ADAMTSL5: variants seen among roughly 807,000 people sequenced by gnomAD.
ADAMTSL5 encodes ADAMTS like 5, also known as ADAMTS-like protein 5.
A neutral mutation model predicts 51.7 loss-of-function variants in ADAMTSL5; 53 were observed. The observed-to-expected ratio is 1.03, with a 90% CI of 0.82 to 1.29. The LOEUF is 1.29. Among genes scored for constraint, ADAMTSL5 ranks in the 50% most tolerant of loss-of-function variants. The probability of loss-of-function intolerance (pLI) is 0.00; values close to 1 mark genes in which losing one functional copy is unlikely to be tolerated. For missense variants in ADAMTSL5, 770 were observed against 676.2 expected (o/e 1.14, Z -1.54); for synonymous variants, 285 against 278.7 (o/e 1.02, Z -0.23).
Position 1,505,994 on chromosome 19 carries a change from G to A in ADAMTSL5, c.*21C>T, listed in dbSNP as rs1912896280. 8 of 1,521,654 alleles carry A rather than the reference G, an allele frequency of 5.3e-6. No individual in the cohort carries two copies. Among genetic ancestry groups the A allele is most frequent in the Non-Finnish European group, 7.0e-6 (8 of 1,142,640 alleles). 94.3% of individuals were successfully genotyped at this position (1,521,654 alleles called of 1,614,324 possible). ...CAGATGTATCTTTCTTGCTGTGTGT[G>A]GCCGGGGCTCCTGCAGGGGCTCAGC... On this transcript the variant is annotated 3_prime_UTR_variant, in exon 12 of 12. Transcript: ENST00000330475.
chr19:1,509,309 G>T (rs1224716502), intron 5 of ADAMTSL5, among the ~76,000 whole-genome samples: 1 of 146,852 alleles, frequency 6.8e-6, no homozygotes, highest in Non-Finnish European at 1.5e-5. Flanking sequence ...CCAGGCACCA[G>T]CAAGTACCCA....
At chr19:1,508,332 G>C in intron 6 of ADAMTSL5, 111 bp downstream of exon 6, 1 of 1,264,422 alleles carries the variant, frequency 7.9e-7, no homozygotes, top group South Asian at 1.6e-5. Flanking sequence ...AGGCGGTGGA[G>C]CCTAGGGAGG....
rs1273179037 is a variant in ADAMTSL5 at position 1,508,436 on chromosome 19, T to C, written c.489+7A>G. The C allele has an allele frequency of 1.3e-6, 2 of 1,539,928 alleles. No individual in the cohort carries two copies. Among genetic ancestry groups the C allele is most frequent in the African/African-American group, 1.4e-5 (1 of 73,140 alleles). ...CGGGGCTCGGGCGGGGCCTGACGAG[T>C]CCTTACAAGGCAGCGGCCAGCCACG... On this transcript the variant is annotated splice_region_variant and intron_variant, in intron 6 of 11. Coordinates refer to ENST00000330475, the MANE Select transcript of ADAMTSL5 (RefSeq NM_213604.3).
Position 1,506,785 on chromosome 19 carries a change from G to A in ADAMTSL5, c.996C>T (p.Pro332=), listed in dbSNP as rs757298093. 3.2e-5 allele frequency: 49 copies of A among 1,541,902 alleles called. No homozygotes were observed. Among genetic ancestry groups the A allele is most frequent in the Non-Finnish European group, 3.7e-5 (42 of 1,144,666 alleles). Residue 332 remains proline (P), a synonymous_variant, in exon 10 of 12, where the codon CCC becomes CCT. Coordinates refer to ENST00000330475, the MANE Select transcript of ADAMTSL5 (RefSeq NM_213604.3). The surrounding 1 kb of genome is among the most constrained non-coding windows in gnomAD (Gnocchi z 5.6). ...GTGCAGGGGTGACAGCAGGGGCTGC[G>A]GGGGGCTGAGGCTCCACCCCCCGGG... The part of the protein sequence containing the change: ...PQPRGVEPQP[P]AAPAVTPAQT...
intron 5 of ADAMTSL5, among the ~76,000 whole-genome samples, chr19:1,509,269 A>AAT: frequency 6.6e-6 from 1 of 150,664 alleles, no homozygotes; most frequent in Non-Finnish European, 1.5e-5. Flanking sequence ...AAAAAAAAAA[A>AAT]AAAAAAAAAA....
chr19:1,510,575 G>A (rs971913034), intron 3 of ADAMTSL5, 64 bp downstream of exon 3: 31 of 1,472,220 alleles, frequency 2.1e-5, no homozygotes, highest in Middle Eastern at 2.5e-4. Flanking sequence ...CCGAGGGTGC[G>A]GCCAGGGGCC....
Position 1,506,934 on chromosome 19 carries a change from G to T in ADAMTSL5, c.853-6C>A, listed in dbSNP as rs1440903313. The T allele has an allele frequency of 1.9e-6, 3 of 1,545,460 alleles. No homozygotes were observed. Among genetic ancestry groups the T allele is most frequent in the Non-Finnish European group, 2.6e-6 (3 of 1,145,374 alleles). Reference sequence around the variant, plus strand: ...TTGGGCTCCTGCAGGAGGACCTGGAGCAGGGGAGGGGACACAGGGAGCTTC... The same window carrying T: ...TTGGGCTCCTGCAGGAGGACCTGGATCAGGGGAGGGGACACAGGGAGCTTC... On this transcript the variant is annotated splice_region_variant and splice_polypyrimidine_tract_variant and intron_variant, in intron 9 of 11. Coordinates refer to ENST00000330475, the MANE Select transcript of ADAMTSL5 (RefSeq NM_213604.3). This position sits in a 1 kb window ranked among gnomAD's most constrained non-coding sequence, Gnocchi z 5.6.
rs541917805 is a variant in ADAMTSL5 at position 1,510,840 on chromosome 19, C to T, written c.99+5G>A. 20 of 1,546,554 alleles carry T rather than the reference C, an allele frequency of 1.3e-5. No homozygotes were observed. The highest frequency in any genetic ancestry group is 2.5e-5 in the South Asian group (2 of 79,444). ...GCCACCCCCTGGGCTCATGCCCCCC[C>T]TTACCTGAGCACTGACCCCCAAACC... On this transcript the variant is annotated splice_donor_5th_base_variant and intron_variant, in intron 2 of 11. Coordinates refer to ENST00000330475, the MANE Select transcript of ADAMTSL5 (RefSeq NM_213604.3).
chr19:1,510,586 G>T (rs1422566069), intron 3 of ADAMTSL5, 53 bp downstream of exon 3: 1 of 1,483,124 alleles, frequency 6.7e-7, no homozygotes, highest in South Asian at 1.3e-5. Flanking sequence ...GCCAGGGGCC[G>T]GGCTGGGCCG....
intron 1 of ADAMTSL5, among the ~76,000 whole-genome samples, chr19:1,512,536 C>G (rs917831816): frequency 2.0e-5 from 3 of 152,192 alleles, no homozygotes; most frequent in Admixed American, 2.0e-4. Context: ...AAAAATTAGC[C>G]CGGTGTGGTG....
rs1410522842 is a variant in ADAMTSL5 at position 1,508,023 on chromosome 19, G to A, written c.576C>T (p.Phe192=). 1 of 1,605,406 alleles carries A rather than the reference G, an allele frequency of 6.2e-7. No homozygotes were observed. The highest frequency in any genetic ancestry group is 8.5e-7 in the Non-Finnish European group (1 of 1,176,776). ...RCGGANDSCL[F]VQRVFRDAGA... ...CGGCGTCACGAAACACGCGCTGCACGAAAAGGCACGAGTCGTTGGCGCCTC... is the reference window on the plus strand; with the variant it reads ...CGGCGTCACGAAACACGCGCTGCACAAAAAGGCACGAGTCGTTGGCGCCTC... The change falls in exon 7 of 12, where the codon TTC becomes TTT. Residue 192 remains phenylalanine, a synonymous_variant. Coordinates refer to ENST00000330475, the MANE Select transcript of ADAMTSL5 (RefSeq NM_213604.3).
chr19:1,512,745 A>C (rs777345449), intron 1 of ADAMTSL5, among the ~76,000 whole-genome samples: 1 of 151,872 alleles, frequency 6.6e-6, no homozygotes, highest in Non-Finnish European at 1.5e-5. Flanking sequence ...CCCCCACCGG[A>C]CTCTAAGCCT....
chr19:1,510,869 G>A lies in ADAMTSL5; in HGVS notation c.75C>T (p.Asn25=). The change falls in exon 2 of 12, where the codon AAC becomes AAT. Residue 25 remains asparagine (N), a synonymous_variant. Coordinates refer to ENST00000330475, the MANE Select transcript of ADAMTSL5 (RefSeq NM_213604.3). The part of the protein sequence containing the change: ...NLLLFLWALL[N]CGLGVSAQGP... ...CCTGAGCACTGACCCCCAAACCACA[G>A]TTCAGCAGGGCCCACAGGAAGAGCA... 4 of 1,537,214 alleles carry A rather than the reference G, an allele frequency of 2.6e-6. No homozygotes were observed. Among genetic ancestry groups the A allele is most frequent in the Non-Finnish European group, 3.5e-6 (4 of 1,149,482 alleles).
Position 1,506,612 on chromosome 19 carries a change from G to T in ADAMTSL5, c.1092C>A (p.Leu364=), listed in dbSNP as rs141228013. 6,105 of 1,611,332 alleles carry T rather than the reference G, an allele frequency of 3.8e-3. 22 individuals are homozygous for T. Among genetic ancestry groups the T allele is most frequent in the Non-Finnish European group, 4.8e-3 (5,627 of 1,179,050 alleles). The part of the protein sequence containing the change: ...PDTRGRAHRL[L]HYCGSDFVFQ... ...CACCAAAGTCACTGCCGCAATAGTGGAGTAGTCGGTGGGCGCGGCCGCGGG... is the reference window on the plus strand; with the variant it reads ...CACCAAAGTCACTGCCGCAATAGTGTAGTAGTCGGTGGGCGCGGCCGCGGG... Residue 364 remains leucine (L), a synonymous_variant, in exon 11 of 12, where the codon CTC becomes CTA. Transcript: ENST00000330475. This position sits in a 1 kb window ranked among gnomAD's most constrained non-coding sequence, Gnocchi z 5.6.
chr19:1,506,351 C>A lies in ADAMTSL5; in HGVS notation c.1115-35G>T. 1.3e-6 allele frequency: 2 copies of A among 1,536,512 alleles called. No homozygotes were observed. The highest frequency in any genetic ancestry group is 2.6e-5 in the South Asian group (2 of 78,370). Reference sequence around the variant, plus strand: ...GGACGTGCTAAGCTGGCTGGCTGCTCAACTCTGCGCAAATCTCTACGCCCC... The same window carrying A: ...GGACGTGCTAAGCTGGCTGGCTGCTAAACTCTGCGCAAATCTCTACGCCCC... On this transcript the variant is annotated intron_variant, in intron 11 of 11. Coordinates refer to ENST00000330475, the MANE Select transcript of ADAMTSL5 (RefSeq NM_213604.3). The surrounding 1 kb of genome is among the most constrained non-coding windows in gnomAD (Gnocchi z 5.6).
At position 1,505,828 on chromosome 19, in the gene ADAMTSL5, C is replaced by G; in HGVS notation, c.*187G>C. ...GTGCCTCCTCACCAGTGCCTGCCGG[C>G]TTGTGACAGTGGCTTTGACTGCATG... is the stretch of plus-strand genomic sequence containing the variant. On this transcript the variant is annotated 3_prime_UTR_variant, in exon 12 of 12. Transcript: ENST00000330475. 2 of 694,730 alleles carry G rather than the reference C, an allele frequency of 2.9e-6. No homozygotes were observed. The highest frequency in any genetic ancestry group is 4.4e-6 in the Non-Finnish European group (2 of 456,496). 43.0% of individuals were successfully genotyped at this position (694,730 alleles called of 1,614,324 possible).
At chr19:1,508,160 CCTGGGGAAAGGGCA>C (rs1568242671) in intron 6 of ADAMTSL5, 51 bp from the exon 7 acceptor site, 2 of 1,482,410 alleles carry the variant, frequency 1.3e-6, no homozygotes, top group Middle Eastern at 2.2e-4. Context: ...AGGGGCAGGA[CCTGGGGAAAGGGCA>C]GTGCCTGGGA....
chr19:1,506,808 G>A lies in ADAMTSL5; in HGVS notation c.973C>T (p.Arg325Trp), dbSNP rs748641040. The A allele has an allele frequency of 3.7e-5, 57 of 1,541,362 alleles. No individual in the cohort carries two copies. The highest frequency in any genetic ancestry group is 5.0e-5 in the Non-Finnish European group (57 of 1,144,334). ...GCGGGGGGCTGAGGCTCCACCCCCC[G>A]GGGCTGAGGCTGCCTCAGGGGCCAG... Reference protein sequence around the residue: ...LGWPLRQPQPRGVEPQPPAAP... With the variant: ...LGWPLRQPQPWGVEPQPPAAP... The change falls in exon 10 of 12, where the codon CGG (arginine) becomes TGG (tryptophan). Residue 325 changes from arginine (R) to tryptophan (W), a missense_variant. Coordinates refer to ENST00000330475, the MANE Select transcript of ADAMTSL5 (RefSeq NM_213604.3). The surrounding 1 kb of genome is among the most constrained non-coding windows in gnomAD (Gnocchi z 5.6).
At chr19:1,510,055 CCTCTT>C in intron 5 of ADAMTSL5, 90 bp downstream of exon 5, 1 of 986,154 alleles carries the variant, frequency 1.0e-6, no homozygotes, top group Non-Finnish European at 1.5e-6. Flanking sequence ...GCACTAATAC[CCTCTT>C]CTCTTTGCAA....
Sources: gnomAD v4.1 joint callset for allele counts (sites outside exome capture counted in the v4.1 genomes callset) on GRCh38, gnomAD v4.1.1 for gene constraint, Gnocchi (gnomAD v3.1) non-coding constraint, MANE v1.5 for transcripts, NCBI Gene and HGNC (gene_info 2026-07-23, HGNC 2026-07-21) for gene names.